Variants in ST8SIA3 observed in about 807,000 individuals in gnomAD.
The protein encoded by ST8SIA3 is alpha-N-acetylneuraminate alpha-2,8-sialyltransferase ST8SIA3.
In ST8SIA3, 17 loss-of-function variants were observed where a neutral mutation model predicts 34.5. That is an observed-to-expected ratio of 0.49 (90% CI 0.34 to 0.74). The LOEUF (loss-of-function observed/expected upper bound fraction) is 0.74. Ranked by LOEUF, ST8SIA3 falls within the 30% of genes least tolerant of loss-of-function variation. The pLI, the probability that ST8SIA3 is intolerant of heterozygous loss-of-function variation, is 0.01. For synonymous variants in ST8SIA3, 172 were observed against 176.1 expected, an observed-to-expected ratio of 0.98 and a Z score of 0.19; for missense variants, 354 against 467.8, an observed-to-expected ratio of 0.76 and a Z score of 2.24.
At position 57,352,699 on chromosome 18, in the gene ST8SIA3, C is replaced by T. The variant is rs570170212; in HGVS notation, c.-148C>T. 19 of 291,476 alleles carry T rather than the reference C, an allele frequency of 6.5e-5. No individual in the cohort carries two copies. Among genetic ancestry groups the T allele is most frequent in the South Asian group, 4.1e-4 (15 of 36,172 alleles). 18.1% of individuals were successfully genotyped at this position (291,476 alleles called of 1,614,324 possible). Reference sequence around the variant, plus strand: ...CCGGTGGCCTCCCCCCACCCCCGCCCGGGTCCCCCTCCTCCGCCACACGCG... The same window carrying T: ...CCGGTGGCCTCCCCCCACCCCCGCCTGGGTCCCCCTCCTCCGCCACACGCG... On this transcript the variant is annotated 5_prime_UTR_variant, in exon 1 of 4. Coordinates refer to ENST00000324000, the MANE Select transcript of ST8SIA3 (RefSeq NM_015879.3).
chr18:57,355,753 C>T (rs1456995562), intron 2 of ST8SIA3, among the ~76,000 whole-genome samples: 2 of 152,116 alleles, frequency 1.3e-5, no homozygotes, highest in African/African-American at 4.8e-5. Flanking sequence ...CCCAAATGAC[C>T]AGTCAGAAGA....
At chr18:57,356,820 G>A (rs2144201821) in intron 2 of ST8SIA3, 93 bp from the exon 3 acceptor site, 1 of 834,862 alleles carries the variant, frequency 1.2e-6, no homozygotes, top group East Asian at 2.5e-5. Context: ...ATGAGCCTAA[G>A]ATTCCCTCTG....
rs2049806195 is a variant in ST8SIA3 at position 57,357,489 on chromosome 18, A to G, written c.860+19A>G. The G allele has an allele frequency of 6.3e-7, 1 of 1,578,096 alleles. No homozygotes were observed. Among genetic ancestry groups the G allele is most frequent in the South Asian group, 1.1e-5 (1 of 89,172 alleles). ...TCAACAGGTGTGTATATTTTATTAC[A>G]TTTTACTCATACTCCACCAGATGGC... On this transcript the variant is annotated intron_variant, in intron 3 of 3. Coordinates refer to ENST00000324000, the MANE Select transcript of ST8SIA3 (RefSeq NM_015879.3).
rs1229503708 is a variant in ST8SIA3 at position 57,362,849 on chromosome 18, TA to T, written c.*2573del. The T allele has an allele frequency of 6.6e-6, 1 of 152,224 alleles. No individual in the cohort carries two copies. The highest frequency in any genetic ancestry group is 2.4e-5 in the African/African-American group (1 of 41,472). 9.4% of individuals were successfully genotyped at this position (152,224 alleles called of 1,614,324 possible). ...TAAAGACTGTTTCAAAGATTAAATC[TA>T]TACAACCACTTTTATGACCAAAAAA... is the stretch of plus-strand genomic sequence containing the variant. On this transcript the variant is annotated 3_prime_UTR_variant, in exon 4 of 4. Transcript: ENST00000324000.
In ST8SIA3 at chr18:57,352,680, G is replaced by GCCC. The variant is rs1568100122; in HGVS notation, c.-165_-164insCCC. 20 of 349,028 alleles carry GCCC rather than the reference G, an allele frequency of 5.7e-5. No individual in the cohort carries two copies. The highest frequency in any genetic ancestry group is 2.1e-4 in the South Asian group (10 of 46,566). The allele number at this position is 349,028 out of a possible 1,614,324, so 21.6% of individuals were successfully genotyped here. A position where few individuals can be genotyped will look rare whatever the true frequency, so the allele number is the denominator to read the frequency against. On this transcript the variant is annotated 5_prime_UTR_variant, in exon 1 of 4. Transcript: ENST00000324000. Reference sequence around the variant, plus strand: ...CCAGCCCCAACCCCCGGCCCCGGTGGCCTCCCCCCACCCCCGCCCGGGTCC... The same window carrying GCCC: ...CCAGCCCCAACCCCCGGCCCCGGTGGCCCCCTCCCCCCACCCCCGCCCGGGTCC...
At chr18:57,354,074 G>A (rs1052201453) in intron 1 of ST8SIA3, among the ~76,000 whole-genome samples, 1 of 152,230 alleles carries the variant, frequency 6.6e-6, no homozygotes, top group African/African-American at 2.4e-5. Flanking sequence ...CGGGGCGGCC[G>A]CTGTCCGCGG....
Position 57,360,983 on chromosome 18 carries a change from C to T in ST8SIA3, c.*706C>T, listed in dbSNP as rs916178542. The T allele has an allele frequency of 6.6e-6, 1 of 152,352 alleles. No homozygotes were observed. The highest frequency in any genetic ancestry group is 1.5e-5 in the Non-Finnish European group (1 of 68,142). The allele number at this position is 152,352 out of a possible 1,614,324, so 9.4% of individuals were successfully genotyped here. A position where few individuals can be genotyped will look rare whatever the true frequency, so the allele number is the denominator to read the frequency against. ...AAAGAAATGCCTCTGATGCAGTCCT[C>T]ACCAGTCCATTCAGTCATTCTACAG... On this transcript the variant is annotated 3_prime_UTR_variant, in exon 4 of 4. Coordinates refer to ENST00000324000, the MANE Select transcript of ST8SIA3 (RefSeq NM_015879.3).
rs377153939 is a variant in ST8SIA3, at chr18:57,363,331, TC to T, written c.*3056del. ...AGGGCTAAATGGTGGTGTCAAGAAT[TC>T]CTCCCACACCCCAAAAATTCTTTCC... is the stretch of plus-strand genomic sequence containing the variant. On this transcript the variant is annotated 3_prime_UTR_variant, in exon 4 of 4. Coordinates refer to ENST00000324000, the MANE Select transcript of ST8SIA3 (RefSeq NM_015879.3). 37 of 152,268 alleles carry T rather than the reference TC, an allele frequency of 2.4e-4. No individual in the cohort carries two copies. Among genetic ancestry groups the T allele is most frequent in the African/African-American group, 8.9e-4 (37 of 41,550 alleles). 9.4% of individuals were successfully genotyped at this position (152,268 alleles called of 1,614,324 possible).
Position 57,368,123 on chromosome 18 carries a change from G to A in ST8SIA3, c.*7846G>A, listed in dbSNP as rs2049870847. ...CTAGCTAACTGGAATTAGAGTCTGG[G>A]TCTCCCAACCACTGATTCTGCTACA... On this transcript the variant is annotated 3_prime_UTR_variant, in exon 4 of 4. Transcript: ENST00000324000. The A allele has an allele frequency of 6.6e-6, 1 of 152,300 alleles. No homozygotes were observed. The highest frequency in any genetic ancestry group is 2.1e-4 in the South Asian group (1 of 4,824). The allele number at this position is 152,300 out of a possible 1,614,324, so 9.4% of individuals were successfully genotyped here.
chr18:57,366,497 CT>C lies in ST8SIA3; in HGVS notation c.*6223del, dbSNP rs1484886658. On this transcript the variant is annotated 3_prime_UTR_variant, in exon 4 of 4. Transcript: ENST00000324000. Reference sequence around the variant, plus strand: ...TATAGTTCATCACTTGTTTCCCCAACTTTGTCATTTTCCCTATCCACTTGCC... The same window carrying C: ...TATAGTTCATCACTTGTTTCCCCAACTTGTCATTTTCCCTATCCACTTGCC... 1.3e-5 allele frequency: 2 copies of C among 152,190 alleles called. No homozygotes were observed. 9.4% of individuals were successfully genotyped at this position (152,190 alleles called of 1,614,324 possible).
chr18:57,352,924 G>A lies in ST8SIA3; in HGVS notation c.78G>A (p.Ser26=), dbSNP rs377051726. 3 of 1,613,382 alleles carry A rather than the reference G, an allele frequency of 1.9e-6. No individual in the cohort carries two copies. The highest frequency in any genetic ancestry group is 1.1e-5 in the South Asian group (1 of 91,066). ...TCAGCGTCGCCCTGCTGATTTTATC[G>A]CTCATCAGCTACGTGTCCCTGAAAA... is the stretch of plus-strand genomic sequence containing the variant. The part of the protein sequence containing the change: ...VMLSVALLIL[S]LISYVSLKKE... The change falls in exon 1 of 4, where the codon TCG becomes TCA. Residue 26 remains serine, a synonymous_variant. Coordinates refer to ENST00000324000, the MANE Select transcript of ST8SIA3 (RefSeq NM_015879.3).
intron 2 of ST8SIA3, among the ~76,000 whole-genome samples, chr18:57,355,447 G>T (rs12606507): frequency 0.041 from 6,287 of 152,146 alleles, 590 homozygotes; most frequent in East Asian, 0.37. Flanking sequence ...TCTATGGGCA[G>T]AATTAAAACA....
In ST8SIA3 at chr18:57,364,119, A is replaced by T. The variant is rs1477230384; in HGVS notation, c.*3842A>T. ...TGCAACTGTCCACCAATTATCACCT[A>T]CCTTCTCCCTGAGATGAAACAAAAC... On this transcript the variant is annotated 3_prime_UTR_variant, in exon 4 of 4. Coordinates refer to ENST00000324000, the MANE Select transcript of ST8SIA3 (RefSeq NM_015879.3). The T allele has an allele frequency of 1.3e-5, 2 of 152,230 alleles. No homozygotes were observed. Among genetic ancestry groups the T allele is most frequent in the Non-Finnish European group, 2.9e-5 (2 of 68,044 alleles). The allele number at this position is 152,230 out of a possible 1,614,324, so 9.4% of individuals were successfully genotyped here.
intron 2 of ST8SIA3, among the ~76,000 whole-genome samples, chr18:57,354,857 T>TAA (rs35104343): frequency 0.021 from 3,012 of 145,612 alleles, 94 homozygotes; most frequent in African/African-American, 0.069. Context: ...GCCATCTATT[T>TAA]AAAAAAAAAA....
At chr18:57,358,931 C>A (rs1327990048) in intron 3 of ST8SIA3, among the ~76,000 whole-genome samples, 1 of 152,148 alleles carries the variant, frequency 6.6e-6, no homozygotes, top group African/African-American at 2.4e-5. Context: ...ATAGTAAAAC[C>A]AAGACTGAAC....
At chr18:57,357,714 C>T (rs558454479) in intron 3 of ST8SIA3, among the ~76,000 whole-genome samples, 1 of 152,328 alleles carries the variant, frequency 6.6e-6, no homozygotes, top group East Asian at 1.9e-4. Flanking sequence ...TCTCCCGTCT[C>T]TATTCTCTGT....
In ST8SIA3 at chr18:57,356,993, A is replaced by G; in HGVS notation, c.383A>G (p.His128Arg). ...AGTGTTCGGATTGGACAACTGATGCACTATGATTATTCCAGCCATAAATAT... is the reference window on the plus strand; with the variant it reads ...AGTGTTCGGATTGGACAACTGATGCGCTATGATTATTCCAGCCATAAATAT... ...KNSVRIGQLM[H>R]YDYSSHKYVF... is the part of the protein sequence containing the mutation. The change falls in exon 3 of 4, where the codon CAC (histidine) becomes CGC (arginine). Residue 128 changes from histidine to arginine, a missense_variant. Coordinates refer to ENST00000324000, the MANE Select transcript of ST8SIA3 (RefSeq NM_015879.3). The G allele has an allele frequency of 6.2e-7, 1 of 1,614,064 alleles. No individual in the cohort carries two copies. Among genetic ancestry groups the G allele is most frequent in the South Asian group, 1.1e-5 (1 of 91,070 alleles).
Position 57,360,123 on chromosome 18 carries a change from C to A in ST8SIA3, c.989C>A (p.Thr330Lys), listed in dbSNP as rs1351468317. Residue 330 changes from threonine to lysine, a missense_variant, in exon 4 of 4, where the codon ACA becomes AAA. By Grantham distance (78) the Thr-to-Lys change is moderately conservative. Around this residue, in one of 3 missense-constraint regions of ST8SIA3, gnomAD observed 166 missense variants for 245.2 expected, o/e 0.68. Transcript: ENST00000324000. ...GFWPFGFDPN[T>K]REDLPYHYYD... The stretch of plus-strand genomic sequence containing the variant: ...TGGCCGTTTGGATTTGACCCCAACA[C>A]AAGGGAAGATCTTCCATACCATTAC... 1.2e-6 allele frequency: 2 copies of A among 1,614,170 alleles called. No individual in the cohort carries two copies. Among genetic ancestry groups the A allele is most frequent in the Admixed American group, 3.3e-5 (2 of 60,014 alleles).
chr18:57,354,472 C>G lies in ST8SIA3; in HGVS notation c.250C>G (p.Gln84Glu), dbSNP rs1481653029. 6.2e-7 allele frequency: 1 copy of G among 1,614,128 alleles called. No individual in the cohort carries two copies. Among genetic ancestry groups the G allele is most frequent in the East Asian group, 2.2e-5 (1 of 44,876 alleles). ...PITNSLTQEL[Q>E]EKPSKWKFNR... The stretch of plus-strand genomic sequence containing the variant: ...TACGAATTCTCTCACCCAGGAACTC[C>G]AAGAGAAACCTTCTAAGTGGAAATT... Residue 84 changes from glutamine (Q) to glutamate (E), a missense_variant, in exon 2 of 4, where the codon CAA becomes GAA. By Grantham distance (29) the Gln-to-Glu change is conservative (BLOSUM62 2). This residue lies in a region of ST8SIA3 where 184 missense variants were observed against 205.4 expected (regional missense o/e 0.90). Coordinates refer to ENST00000324000, the MANE Select transcript of ST8SIA3 (RefSeq NM_015879.3).
Sources: gnomAD v4.1 joint callset for allele counts (sites outside exome capture counted in the v4.1 genomes callset) on GRCh38, gnomAD v4.1.1 for gene constraint, gnomAD v4.1.1 regional missense constraint, MANE v1.5 for transcripts, NCBI Gene and HGNC (gene_info 2026-07-23, HGNC 2026-07-21) for gene names.